The following PTPRJ variants were observed in gnomAD, a reference collection of about 807,000 sequenced individuals.
PTPRJ encodes protein tyrosine phosphatase receptor type J.
Under a neutral mutation model 141.3 loss-of-function variants are expected in PTPRJ, and 129 were observed. The ratio of observed to expected loss-of-function variants is 0.91; its 90% CI spans 0.79 to 1.06. The LOEUF (loss-of-function observed/expected upper bound fraction) is 1.06. PTPRJ is among the 50% of genes least tolerant of loss of function. The pLI is 0.00. For synonymous variants in PTPRJ, 610 were observed against 640.5 expected (o/e 0.95, Z 0.72); for missense variants, 1,601 against 1,679.7 (o/e 0.95, Z 0.82).
intron 1 of PTPRJ, among the ~76,000 whole-genome samples, chr11:48,047,115 C>T (rs538906409): frequency 8.6e-4 from 130 of 151,738 alleles, no homozygotes; most frequent in African/African-American, 2.8e-3. Flanking sequence ...GGGGTTTCAC[C>T]ATGTTGGCCA....
rs1856012321 is a variant in PTPRJ at position 48,096,641 on chromosome 11, G to A, written c.97-13417G>A. 2.6e-5 allele frequency: 4 copies of A among 153,956 alleles called. No homozygotes were observed. The Admixed American group carries it at 2.6e-4, about 10-fold the overall frequency. 9.5% of individuals were successfully genotyped at this position (153,956 alleles called of 1,614,324 possible). A position where few individuals can be genotyped will look rare whatever the true frequency, so the allele number is the denominator to read the frequency against. On this transcript the variant is annotated intron_variant, in intron 1 of 24. Coordinates refer to ENST00000418331, the MANE Select transcript of PTPRJ (RefSeq NM_002843.4). The stretch of plus-strand genomic sequence containing the variant: ...ACCACCCCTCAGTTCACCCCCCAGA[G>A]CTGTTGAGGCCCTTCCTGGGGGCTT...
intron 6 of PTPRJ, among the ~76,000 whole-genome samples, chr11:48,126,438 A>G (rs565606705): frequency 6.6e-6 from 1 of 152,144 alleles, no homozygotes; most frequent in East Asian, 1.9e-4. Flanking sequence ...GGGCTGCTGT[A>G]ACAAATGGCC....
At chr11:48,043,675 G>T (rs1854322497) in intron 1 of PTPRJ, among the ~76,000 whole-genome samples, 1 of 152,128 alleles carries the variant, frequency 6.6e-6, no homozygotes, top group Admixed American at 6.6e-5. Flanking sequence ...CACCCCCAAA[G>T]AGATATCTCA....
intron 1 of PTPRJ, among the ~76,000 whole-genome samples, chr11:48,018,975 C>A (rs1855028275): frequency 6.6e-6 from 1 of 152,070 alleles, no homozygotes; most frequent in African/African-American, 2.4e-5. Flanking sequence ...ACCCTCTCTC[C>A]ACGCTTTCTT....
intron 10 of PTPRJ, 125 bp downstream of exon 10, chr11:48,137,406 C>G (rs879670117): frequency 9.7e-7 from 1 of 1,033,306 alleles, no homozygotes; most frequent in African/African-American, 1.6e-5. Flanking sequence ...TTGAGCTTTC[C>G]GAGGCATCCT....
intron 1 of PTPRJ, among the ~76,000 whole-genome samples, chr11:48,067,892 G>C (rs1280987951): frequency 6.6e-6 from 1 of 152,186 alleles, no homozygotes; most frequent in Non-Finnish European, 1.5e-5. Flanking sequence ...ATAGCCCTTG[G>C]GGACGGGCTT....
chr11:48,049,726 A>C (rs1854511024), intron 1 of PTPRJ, among the ~76,000 whole-genome samples: 1 of 151,732 alleles, frequency 6.6e-6, no homozygotes, highest in African/African-American at 2.4e-5. Context: ...AAAAAAAAAA[A>C]AAAAAAAAGA....
chr11:48,075,541 G>A (rs1190156340), intron 1 of PTPRJ, among the ~76,000 whole-genome samples: 1 of 152,060 alleles, frequency 6.6e-6, no homozygotes, highest in African/African-American at 2.4e-5. Context: ...TTCTTCCTTA[G>A]CCTCCCCAGT....
chr11:48,149,718 T>C (rs1857435479), intron 16 of PTPRJ: 2 of 535,644 alleles, frequency 3.7e-6, no homozygotes, highest in South Asian at 2.7e-5. Context: ...AAATACGGAT[T>C]TCTTGATTAA....
At chr11:48,143,811 C>T (rs1464946041) in intron 12 of PTPRJ, among the ~76,000 whole-genome samples, 1 of 122,994 alleles carries the variant, frequency 8.1e-6, no homozygotes, top group Non-Finnish European at 1.7e-5. Flanking sequence ...TCTCCTCCTC[C>T]TCCCCTTCTC....
intron 6 of PTPRJ, among the ~76,000 whole-genome samples, chr11:48,127,174 C>T (rs1856857425): frequency 6.6e-6 from 1 of 152,234 alleles, no homozygotes; most frequent in South Asian, 2.1e-4. Flanking sequence ...TGCACAAGGT[C>T]AGCCTCCTGG....
At position 48,169,314 on chromosome 11, in the gene PTPRJ, T is replaced by A. The variant is rs922120489; in HGVS notation, c.*1952T>A. Reference sequence around the variant, plus strand: ...TTGCATTTTTTTGGTAGTAAGCAGTTCATTGAGTATCAGGTCCTCAAAGGA... The same window carrying A: ...TTGCATTTTTTTGGTAGTAAGCAGTACATTGAGTATCAGGTCCTCAAAGGA... On this transcript the variant is annotated 3_prime_UTR_variant, in exon 25 of 25. Transcript: ENST00000418331. 6.6e-6 allele frequency: 1 copy of A among 152,198 alleles called. No homozygotes were observed. Among genetic ancestry groups the A allele is most frequent in the African/African-American group, 2.4e-5 (1 of 41,448 alleles). The allele number at this position is 152,198 out of a possible 1,614,324, so 9.4% of individuals were successfully genotyped here.
intron 6 of PTPRJ, among the ~76,000 whole-genome samples, chr11:48,126,812 A>G (rs1565316178): frequency 7.2e-6 from 1 of 139,838 alleles, no homozygotes; most frequent in South Asian, 2.3e-4. Flanking sequence ...ACACACACAC[A>G]CACACACAGA....
At chr11:48,061,912 T>G (rs963832158) in intron 1 of PTPRJ, among the ~76,000 whole-genome samples, 7 of 149,146 alleles carry the variant, frequency 4.7e-5, no homozygotes, top group African/African-American at 9.8e-5. Flanking sequence ...ACTTATAGTT[T>G]TTTTTTTTTT....
chr11:48,131,679 A>T, intron 8 of PTPRJ: 1 of 548,380 alleles, frequency 1.8e-6, no homozygotes, highest in Non-Finnish European at 3.3e-6. Context: ...TGGTGCTAGA[A>T]TTGAGTAGTG....
chr11:48,148,129 G>A (rs1411663930), intron 15 of PTPRJ, among the ~76,000 whole-genome samples: 1 of 152,206 alleles, frequency 6.6e-6, no homozygotes, highest in Non-Finnish European at 1.5e-5. Flanking sequence ...ACAGGCGTGA[G>A]CCCCTGTGCC....
chr11:48,137,216 A>G lies in PTPRJ; in HGVS notation c.2087A>G (p.Glu696Gly). The change falls in exon 10 of 25, where the codon GAG becomes GGG. Residue 696 changes from glutamate (E) to glycine (G), a missense_variant. Physicochemically the swap from Glu to Gly is moderately conservative, Grantham distance 98. Coordinates refer to ENST00000418331, the MANE Select transcript of PTPRJ (RefSeq NM_002843.4). Reference protein sequence around the residue: ...ELIPGSSYTVEIFAQVGDGIK... With the variant: ...ELIPGSSYTVGIFAQVGDGIK... The stretch of plus-strand genomic sequence containing the variant: ...ATACCTGGCTCATCATACACAGTGG[A>G]GATCTTTGCACAAGTAGGGGATGGG... 2 of 1,614,088 alleles carry G rather than the reference A, an allele frequency of 1.2e-6. No homozygotes were observed. The highest frequency in any genetic ancestry group is 1.7e-6 in the Non-Finnish European group (2 of 1,179,924).
chr11:48,021,910 C>A (rs1855135151), intron 1 of PTPRJ, among the ~76,000 whole-genome samples: 1 of 152,140 alleles, frequency 6.6e-6, no homozygotes. Flanking sequence ...CCTAAGGCAG[C>A]AAGTGATTCC....
chr11:48,170,794 T>C lies in PTPRJ; in HGVS notation c.*3432T>C, dbSNP rs1460930031. ...TAAGGAAAAAATGGCCTGAAAACAT[T>C]TTTTTAAAGACTTACAAATACCAAA... On this transcript the variant is annotated 3_prime_UTR_variant, in exon 25 of 25. Transcript: ENST00000418331. 3 of 152,042 alleles carry C rather than the reference T, an allele frequency of 2.0e-5. No homozygotes were observed. The highest frequency in any genetic ancestry group is 2.9e-5 in the Non-Finnish European group (2 of 68,004). 9.4% of individuals were successfully genotyped at this position (152,042 alleles called of 1,614,324 possible). A position where few individuals can be genotyped will look rare whatever the true frequency, so the allele number is the denominator to read the frequency against.
Sources: allele counts gnomAD v4.1 joint callset (sites outside exome capture counted in the v4.1 genomes callset), GRCh38; gene constraint gnomAD v4.1.1; transcripts MANE v1.5; gene names NCBI Gene and HGNC (gene_info 2026-07-23, HGNC 2026-07-21).